The following UBE2R2 variants were observed in gnomAD, a reference collection of about 807,000 sequenced individuals.
UBE2R2 encodes ubiquitin conjugating enzyme E2 R2.
Under a neutral mutation model 27.8 loss-of-function variants are expected in UBE2R2, and 1 was observed. The ratio of observed to expected loss-of-function variants is 0.04; its 90% confidence interval spans 0.01 to 0.17. The LOEUF (loss-of-function observed/expected upper bound fraction) is 0.17, where lower values mean the gene tolerates loss of function less well. Among genes scored for constraint, UBE2R2 ranks in the 10% least tolerant of loss-of-function variants. The probability of loss-of-function intolerance (pLI) is 1.00; values close to 1 mark genes in which losing one functional copy is unlikely to be tolerated. For synonymous variants in UBE2R2, 106 were observed against 113.3 expected (o/e 0.94, Z 0.41); for missense variants, 100 against 291.0 (o/e 0.34, Z 4.78).
intron 1 of UBE2R2, among the ~76,000 whole-genome samples, chr9:33,861,601 A>G (rs1339745859): frequency 6.6e-6 from 1 of 151,970 alleles, no homozygotes; most frequent in Non-Finnish European, 1.5e-5. Flanking sequence ...CAAAAAAAAA[A>G]GTTTGAACAA....
Position 33,859,946 on chromosome 9 carries a change from A to G in UBE2R2, c.178-26935A>G, listed in dbSNP as rs369804518. Among the ~76,000 whole-genome samples the G allele has an allele frequency of 8.0e-4, 122 of 152,146 alleles. 2 individuals are homozygous for G. The East Asian group carries it at 0.015, about 18-fold the overall frequency. On this transcript the variant is annotated intron_variant, in intron 1 of 4. Transcript: ENST00000263228. The stretch of plus-strand genomic sequence containing the variant: ...CTCACCTTCCCAAGTAGCTGAGACC[A>G]CAGGCATGAACCACCATGTCCAGCT...
At chr9:33,905,427 T>C (rs1276990180) in intron 3 of UBE2R2, among the ~76,000 whole-genome samples, 1 of 152,204 alleles carries the variant, frequency 6.6e-6, no homozygotes, top group Non-Finnish European at 1.5e-5. Context: ...TGGTTTTATT[T>C]ATTTGCTTCC....
chr9:33,875,710 G>A (rs1821588087), intron 1 of UBE2R2, among the ~76,000 whole-genome samples: 1 of 152,192 alleles, frequency 6.6e-6, no homozygotes, highest in Non-Finnish European at 1.5e-5. Flanking sequence ...ATTTAAATGA[G>A]TTGACCTAAG....
At position 33,919,855 on chromosome 9, in the gene UBE2R2, G is replaced by A. The variant is rs1822763778; in HGVS notation, c.*2618G>A. The A allele has an allele frequency of 6.6e-6, 1 of 151,720 alleles. No individual in the cohort carries two copies. The highest frequency in any genetic ancestry group is 2.4e-5 in the African/African-American group (1 of 41,284). 9.4% of individuals were successfully genotyped at this position (151,720 alleles called of 1,614,324 possible). On this transcript the variant is annotated 3_prime_UTR_variant, in exon 5 of 5. Coordinates refer to ENST00000263228, the MANE Select transcript of UBE2R2 (RefSeq NM_017811.4). Reference sequence around the variant, plus strand: ...TTTTAGATTCCTTTTAGTTCTAATTGAGGCCTCACTAGATGCTCTTCAGTT... The same window carrying A: ...TTTTAGATTCCTTTTAGTTCTAATTAAGGCCTCACTAGATGCTCTTCAGTT...
intron 1 of UBE2R2, among the ~76,000 whole-genome samples, chr9:33,851,134 C>G (rs950404644): frequency 2.6e-5 from 4 of 152,092 alleles, no homozygotes; most frequent in Non-Finnish European, 1.5e-5. Context: ...TATGTTTGTT[C>G]GTATCCTTTG....
chr9:33,816,630 C>A (rs975174952), upstream of UBE2R2, among the ~76,000 whole-genome samples: 16 of 152,214 alleles, frequency 1.1e-4, no homozygotes, highest in African/African-American at 3.9e-4. Context: ...TGTGGGCTGG[C>A]CTGCGGGAAG....
intron 1 of UBE2R2, among the ~76,000 whole-genome samples, chr9:33,847,375 G>A (rs1004198772): frequency 2.0e-5 from 3 of 152,112 alleles, no homozygotes; most frequent in Non-Finnish European, 2.9e-5. Context: ...GATTAGAGGC[G>A]TGTGCCACTG....
chr9:33,817,757 G>A lies in UBE2R2; in HGVS notation c.-1G>A. 9 of 1,539,444 alleles carry A rather than the reference G, an allele frequency of 5.8e-6. No individual in the cohort carries two copies. Among genetic ancestry groups the A allele is most frequent in the South Asian group, 2.4e-5 (2 of 84,814 alleles). On this transcript the variant is annotated 5_prime_UTR_variant, in exon 1 of 5. Coordinates refer to ENST00000263228, the MANE Select transcript of UBE2R2 (RefSeq NM_017811.4). ...GCGCCGCCGCCGCCGCCGCCGCCGCGATGGCCCAGCAGCAGATGACCAGCT... is the reference window on the plus strand; with the variant it reads ...GCGCCGCCGCCGCCGCCGCCGCCGCAATGGCCCAGCAGCAGATGACCAGCT...
chr9:33,837,816 A>G (rs1022045622), intron 1 of UBE2R2, among the ~76,000 whole-genome samples: 6 of 152,054 alleles, frequency 3.9e-5, no homozygotes, highest in African/African-American at 1.2e-4. Flanking sequence ...TTAAGATTGC[A>G]GGTGTGATCC....
At chr9:33,900,072 T>A in intron 2 of UBE2R2, 102 bp from the exon 3 acceptor site, 1 of 787,354 alleles carries the variant, frequency 1.3e-6, no homozygotes, top group Non-Finnish European at 2.1e-6. Flanking sequence ...TCTCCTTTGA[T>A]GAAGAAACAG....
At chr9:33,854,127 T>C (rs925985993) in intron 1 of UBE2R2, among the ~76,000 whole-genome samples, 3 of 152,194 alleles carry the variant, frequency 2.0e-5, no homozygotes, top group African/African-American at 4.8e-5. Flanking sequence ...TTTCTAAATA[T>C]ATTGGTTTTT....
chr9:33,912,017 C>T lies in UBE2R2; in HGVS notation c.416C>T (p.Pro139Leu). 1 of 1,613,858 alleles carries T rather than the reference C, an allele frequency of 6.2e-7. No homozygotes were observed. The highest frequency in any genetic ancestry group is 1.7e-5 in the Admixed American group (1 of 60,004). The change falls in exon 4 of 5, where the codon CCA (proline) becomes CTA (leucine). Residue 139 changes from proline to leucine, a missense_variant. Pro to Leu is a moderately conservative substitution (Grantham distance 98). This residue lies in a region of UBE2R2 where 55 missense variants were observed against 122.6 expected (regional missense o/e 0.45). Transcript: ENST00000263228. ...CTTAATGAGCCCAACACCTTCTCCC[C>T]AGCCAATGTCGATGCTTCAGTTATG... Reference protein sequence around the residue: ...SLLNEPNTFSPANVDASVMFR... With the variant: ...SLLNEPNTFSLANVDASVMFR...
intron 2 of UBE2R2, among the ~76,000 whole-genome samples, chr9:33,888,557 A>G (rs1821913731): frequency 6.6e-6 from 1 of 152,042 alleles, no homozygotes; most frequent in Admixed American, 6.6e-5. Context: ...AATCTCTGTC[A>G]CCCAGGCTGG....
At chr9:33,826,576 T>C (rs1820319722) in intron 1 of UBE2R2, among the ~76,000 whole-genome samples, 1 of 151,996 alleles carries the variant, frequency 6.6e-6, no homozygotes, top group South Asian at 2.1e-4. Context: ...CACGTGCCTG[T>C]AGTTCCAGCT....
At chr9:33,873,029 G>T (rs1188913397) in intron 1 of UBE2R2, among the ~76,000 whole-genome samples, 1 of 151,800 alleles carries the variant, frequency 6.6e-6, no homozygotes, top group Non-Finnish European at 1.5e-5. Context: ...ACAAAAATTA[G>T]CTGGATGTGG....
At chr9:33,829,806 T>G (rs1315494301) in intron 1 of UBE2R2, among the ~76,000 whole-genome samples, 1 of 150,902 alleles carries the variant, frequency 6.6e-6, no homozygotes, top group Non-Finnish European at 1.5e-5. Context: ...TTTTTTTTTT[T>G]TTTTTTTTTA....
chr9:33,839,688 T>G (rs1409448875), intron 1 of UBE2R2, among the ~76,000 whole-genome samples: 1 of 152,196 alleles, frequency 6.6e-6, no homozygotes, highest in African/African-American at 2.4e-5. Context: ...TCTCCAGAAC[T>G]GTGAGAAATA....
chr9:33,843,152 G>A (rs952479159), intron 1 of UBE2R2, among the ~76,000 whole-genome samples: 4 of 148,290 alleles, frequency 2.7e-5, no homozygotes, highest in Admixed American at 1.4e-4. Flanking sequence ...GGGGTGAAGC[G>A]ATTCTTCTGC....
intron 1 of UBE2R2, among the ~76,000 whole-genome samples, chr9:33,828,148 C>A (rs1455796172): frequency 6.6e-6 from 1 of 150,992 alleles, no homozygotes; most frequent in Non-Finnish European, 1.5e-5. Flanking sequence ...ACTGAAAATA[C>A]AAAATTAGCT....
Sources: allele counts gnomAD v4.1 joint callset (sites outside exome capture counted in the v4.1 genomes callset), GRCh38; gene constraint gnomAD v4.1.1; regional missense constraint gnomAD v4.1.1; transcripts MANE v1.5; gene names NCBI Gene and HGNC (gene_info 2026-07-23, HGNC 2026-07-21).